Variants in ATOH8 observed in about 807,000 individuals in gnomAD.
ATOH8 encodes atonal bHLH transcription factor 8.
Under a neutral mutation model 21.2 loss-of-function variants are expected in ATOH8, and 9 were observed. The ratio of observed to expected loss-of-function variants is 0.42; its 90% CI spans 0.26 to 0.74. The LOEUF is 0.74. ATOH8 is among the 30% of genes least tolerant of loss of function. The pLI is 0.24. For synonymous variants in ATOH8, 253 were observed against 224.0 expected, an observed-to-expected ratio of 1.13 and a Z score of -1.16; for missense variants, 524 against 470.9, an observed-to-expected ratio of 1.11 and a Z score of -1.04.
At chr2:85,768,322 C>T (rs1412879708) in intron 2 of ATOH8, among the ~76,000 whole-genome samples, 1 of 152,216 alleles carries the variant, frequency 6.6e-6, no homozygotes, top group African/African-American at 2.4e-5. Flanking sequence ...TGCATGGTGG[C>T]CCATAGCTTC....
rs1165909648 is a variant in ATOH8, at chr2:85,789,546, G to A, written c.*2656G>A. On this transcript the variant is annotated 3_prime_UTR_variant, in exon 3 of 3. Coordinates refer to ENST00000306279, the MANE Select transcript of ATOH8 (RefSeq NM_032827.7). ...CTTTCTGAGCAGGGGAGTAGGAAAA[G>A]GGCTTTCTATGCAGAGGAGCACTCA... Among the ~76,000 whole-genome samples, 20 of 152,184 alleles carry A rather than the reference G, an allele frequency of 1.3e-4. No individual in the cohort carries two copies. The East Asian group carries it at 3.5e-3, about 26-fold the overall frequency.
intron 1 of ATOH8, among the ~76,000 whole-genome samples, chr2:85,759,477 G>A (rs943550526): frequency 2.0e-5 from 3 of 152,144 alleles, no homozygotes; most frequent in South Asian, 2.1e-4. Flanking sequence ...GAGAGGTGAC[G>A]CAGATTGCTC....
intron 2 of ATOH8, among the ~76,000 whole-genome samples, chr2:85,767,267 G>A (rs1680041306): frequency 6.6e-6 from 1 of 152,112 alleles, no homozygotes; most frequent in African/African-American, 2.4e-5. Flanking sequence ...TTATTTCTGT[G>A]AAAAGACTTG....
intron 2 of ATOH8, among the ~76,000 whole-genome samples, chr2:85,771,105 C>A (rs1680168973): frequency 6.6e-6 from 1 of 152,108 alleles, no homozygotes; most frequent in Non-Finnish European, 1.5e-5. Context: ...GGGGGCTAAC[C>A]CCAGAGAACG....
rs558666310 is a variant in ATOH8, at chr2:85,766,145, G to A, written c.960+1963G>A. 1.3e-5 allele frequency among the ~76,000 whole-genome samples: 2 copies of A among 152,256 alleles called. No individual in the cohort carries two copies. The highest frequency in any genetic ancestry group is 4.8e-5 in the African/African-American group (2 of 41,556). On this transcript the variant is annotated intron_variant, in intron 2 of 2. Coordinates refer to ENST00000306279, the MANE Select transcript of ATOH8 (RefSeq NM_032827.7). The surrounding 1 kb of genome is among the most constrained non-coding windows in gnomAD (Gnocchi z 4.0). ...GTGAAGATGAAAGGAGTTACTGCAG[G>A]AGAGCGTGTGGTGTCTGCATGGTCA...
At chr2:85,765,415 A>AC (rs1432490291) in intron 2 of ATOH8, among the ~76,000 whole-genome samples, 14 of 152,214 alleles carry the variant, frequency 9.2e-5, no homozygotes, top group Non-Finnish European at 1.9e-4. Flanking sequence ...TGCCGCTGCC[A>AC]CGGTAACTGC....
chr2:85,763,471 T>G (rs1394010808), intron 1 of ATOH8, among the ~76,000 whole-genome samples: 2 of 152,222 alleles, frequency 1.3e-5, no homozygotes, highest in African/African-American at 4.8e-5. Flanking sequence ...AGCTGAGCAC[T>G]GACACTTTCC....
chr2:85,774,355 C>T (rs552102452), intron 2 of ATOH8: 5 of 985,528 alleles, frequency 5.1e-6, no homozygotes, highest in Admixed American at 1.2e-4. Flanking sequence ...CAGTGCGAGG[C>T]CTCAGACAGG....
chr2:85,760,906 A>G (rs890971431), intron 1 of ATOH8: 2 of 152,262 alleles, frequency 1.3e-5, no homozygotes, highest in African/African-American at 4.8e-5. Flanking sequence ...ACCGCTTGTA[A>G]GTGCCTGGAA....
chr2:85,772,905 T>C (rs1573532286), intron 2 of ATOH8: 1 of 444,304 alleles, frequency 2.3e-6, no homozygotes, highest in Non-Finnish European at 4.5e-6. Flanking sequence ...GGCCACCTCA[T>C]TAGTGCTCCT....
chr2:85,770,211 G>A (rs752032818), intron 2 of ATOH8, among the ~76,000 whole-genome samples: 41 of 152,170 alleles, frequency 2.7e-4, no homozygotes, highest in Admixed American at 4.6e-4. Flanking sequence ...GTTGTCTGAT[G>A]CACAGATGGT....
In ATOH8 at chr2:85,766,286, G is replaced by A. The variant is rs561211636; in HGVS notation, c.960+2104G>A. On this transcript the variant is annotated intron_variant, in intron 2 of 2. Coordinates refer to ENST00000306279, the MANE Select transcript of ATOH8 (RefSeq NM_032827.7). The surrounding 1 kb of genome is among the most constrained non-coding windows in gnomAD (Gnocchi z 4.0). Reference sequence around the variant, plus strand: ...GCCCTGGAGAGGGATTTTGGGGGTCGAGATGGAAGTTCCAGGGTAGGAACT... The same window carrying A: ...GCCCTGGAGAGGGATTTTGGGGGTCAAGATGGAAGTTCCAGGGTAGGAACT... Among the ~76,000 whole-genome samples the A allele has an allele frequency of 3.9e-5, 6 of 152,128 alleles. No homozygotes were observed. The highest frequency in any genetic ancestry group is 9.6e-5 in the African/African-American group (4 of 41,504).
In ATOH8 at chr2:85,766,728, G is replaced by T. The variant is rs2104510506; in HGVS notation, c.960+2546G>T. ...GCTGGAGCCTTCGAGCTCCCAGGCA[G>T]CCCTTCCAGGCAGGCCCCTGTGTCC... On this transcript the variant is annotated intron_variant, in intron 2 of 2. Transcript: ENST00000306279. The surrounding 1 kb of genome is among the most constrained non-coding windows in gnomAD (Gnocchi z 4.0). 6.6e-6 allele frequency among the ~76,000 whole-genome samples: 1 copy of T among 152,332 alleles called. No individual in the cohort carries two copies. Among genetic ancestry groups the T allele is most frequent in the Admixed American group, 6.5e-5 (1 of 15,304 alleles).
At chr2:85,774,470 T>C (rs976495233) in intron 2 of ATOH8, 2 of 985,438 alleles carry the variant, frequency 2.0e-6, no homozygotes, top group Non-Finnish European at 2.4e-6. Flanking sequence ...ACAACAAACC[T>C]TCCTTGTGCT....
chr2:85,786,902 CAAGACCAAGGCCACCA>C lies in ATOH8; in HGVS notation c.*13_*28del. The C allele has an allele frequency of 6.2e-7, 1 of 1,614,136 alleles. No homozygotes were observed. Among genetic ancestry groups the C allele is most frequent in the Non-Finnish European group, 8.5e-7 (1 of 1,180,006 alleles). ...TCTTTCAGGAGTGACTGGCTGCAGG[CAAGACCAAGGCCACCA>C]CTGTGGGCCCTCCTTCCAGTCAGGC... On this transcript the variant is annotated 3_prime_UTR_variant, in exon 3 of 3. Coordinates refer to ENST00000306279, the MANE Select transcript of ATOH8 (RefSeq NM_032827.7).
At chr2:85,759,032 G>A (rs1169459420) in intron 1 of ATOH8, among the ~76,000 whole-genome samples, 3 of 152,184 alleles carry the variant, frequency 2.0e-5, no homozygotes, top group Admixed American at 6.5e-5. Flanking sequence ...AAGACAGTGC[G>A]GGGCCCCGGC....
intron 1 of ATOH8, among the ~76,000 whole-genome samples, chr2:85,757,026 T>C (rs1679723230): frequency 6.6e-6 from 1 of 152,222 alleles, no homozygotes; most frequent in Non-Finnish European, 1.5e-5. Context: ...AGAGCGTGTG[T>C]ATGCAATGCA....
chr2:85,754,092 G>C lies in ATOH8; in HGVS notation c.-98G>C. 1.5e-6 allele frequency: 2 copies of C among 1,329,072 alleles called. No homozygotes were observed. Among genetic ancestry groups the C allele is most frequent in the Non-Finnish European group, 1.9e-6 (2 of 1,027,078 alleles). 82.3% of individuals were successfully genotyped at this position (1,329,072 alleles called of 1,614,324 possible). A position where few individuals can be genotyped will look rare whatever the true frequency, so the allele number is the denominator to read the frequency against. On this transcript the variant is annotated 5_prime_UTR_variant, in exon 1 of 3. Coordinates refer to ENST00000306279, the MANE Select transcript of ATOH8 (RefSeq NM_032827.7). The stretch of plus-strand genomic sequence containing the variant: ...GGGGGAGAAAGGGAGAGAGGGAGGG[G>C]GAGGGCGGGCGAAGCGGGAGAGCCA...
rs376601144 is a variant in ATOH8 at position 85,790,705 on chromosome 2, G to A, written c.*3815G>A. Among the ~76,000 whole-genome samples the A allele has an allele frequency of 7.4e-4, 112 of 152,376 alleles. 2 individuals are homozygous for A. The South Asian group carries it at 0.017, about 23-fold the overall frequency. Reference sequence around the variant, plus strand: ...GGTAGCATTGCCATGTGCAGGGACTGTGTTGGGAGCTGCAGGTACAGAGCT... The same window carrying A: ...GGTAGCATTGCCATGTGCAGGGACTATGTTGGGAGCTGCAGGTACAGAGCT... On this transcript the variant is annotated 3_prime_UTR_variant, in exon 3 of 3. Transcript: ENST00000306279.
Sources: gnomAD v4.1 joint callset for allele counts (sites outside exome capture counted in the v4.1 genomes callset) on GRCh38, gnomAD v4.1.1 for gene constraint, Gnocchi (gnomAD v3.1) non-coding constraint, MANE v1.5 for transcripts, NCBI Gene and HGNC (gene_info 2026-07-23, HGNC 2026-07-21) for gene names.